CGNL1: variants seen among roughly 807,000 people sequenced by gnomAD.
CGNL1 encodes cingulin-like protein 1.
CGNL1 carries 132 observed loss-of-function variants against 141.2 expected under a neutral mutation model. The ratio of observed to expected loss-of-function variants is 0.93; its 90% CI spans 0.81 to 1.08. The LOEUF (loss-of-function observed/expected upper bound fraction) is 1.08, where lower values mean the gene tolerates loss of function less well. Ranked by LOEUF, CGNL1 falls within the 50% of genes least tolerant of loss-of-function variation. The pLI is 0.00. For synonymous variants in CGNL1, 690 were observed against 622.1 expected (o/e 1.11, Z -1.63); for missense variants, 1,870 against 1,588.6 (o/e 1.18, Z -3.01).
At chr15:57,434,410 G>C (rs1014332230) in intron 1 of CGNL1, among the ~76,000 whole-genome samples, 1 of 152,042 alleles carries the variant, frequency 6.6e-6, no homozygotes, top group Admixed American at 6.6e-5. Context: ...AGTAGATGCA[G>C]AAACCAAGAA....
chr15:57,460,214 G>A (rs1467310027), intron 7 of CGNL1, among the ~76,000 whole-genome samples: 1 of 152,118 alleles, frequency 6.6e-6, no homozygotes, highest in East Asian at 1.9e-4. Flanking sequence ...GGATGAAAGA[G>A]GGGTAAAGAA....
chr15:57,409,072 C>CACACACAT (rs1240697230), intron 1 of CGNL1, among the ~76,000 whole-genome samples: 2 of 150,606 alleles, frequency 1.3e-5, no homozygotes, highest in East Asian at 3.9e-4. Flanking sequence ...CACACACACA[C>CACACACAT]ATTGCCTTTT....
intron 8 of CGNL1, among the ~76,000 whole-genome samples, chr15:57,494,193 G>C (rs1354718731): frequency 6.6e-6 from 1 of 152,196 alleles, no homozygotes; most frequent in Admixed American, 6.5e-5. Context: ...ACATTTATAG[G>C]TTCAACTAGT....
intron 4 of CGNL1, among the ~76,000 whole-genome samples, chr15:57,448,229 G>T (rs2063280672): frequency 6.6e-6 from 1 of 152,180 alleles, no homozygotes; most frequent in Non-Finnish European, 1.5e-5. Context: ...AGGATCACTT[G>T]AGCTTAGAAG....
At chr15:57,470,927 A>C (rs1183267076) in intron 8 of CGNL1, among the ~76,000 whole-genome samples, 1 of 152,228 alleles carries the variant, frequency 6.6e-6, no homozygotes, top group African/African-American at 2.4e-5. Context: ...CCAAATACTT[A>C]AGAATTAGAA....
chr15:57,544,313 A>T (rs535329890), intron 15 of CGNL1, among the ~76,000 whole-genome samples, 160 bp from the exon 16 acceptor site: 1 of 152,262 alleles, frequency 6.6e-6, no homozygotes, highest in Admixed American at 6.5e-5. Flanking sequence ...CCTTGGAAAC[A>T]TCTCTGTGTT....
At chr15:57,490,773 A>G (rs2063849452) in intron 8 of CGNL1, among the ~76,000 whole-genome samples, 2 of 152,158 alleles carry the variant, frequency 1.3e-5, no homozygotes, top group Admixed American at 6.5e-5. Context: ...TGGACTGGGG[A>G]GTCAGTAGAG....
rs867553320 is a variant in CGNL1 at position 57,547,464 on chromosome 15, G to A, written c.3883G>A (p.Asp1295Asn). The A allele has an allele frequency of 1.2e-6, 2 of 1,614,128 alleles. No individual in the cohort carries two copies. Among genetic ancestry groups the A allele is most frequent in the Non-Finnish European group, 1.7e-6 (2 of 1,179,994 alleles). The change falls in exon 19 of 19, where the codon GAC becomes AAC. Residue 1295 changes from aspartate to asparagine, a missense_variant. Physicochemically the swap from Asp to Asn is conservative, Grantham distance 23. Transcript: ENST00000281282. ...GCCTGTGAGCTACACATTCTCCAAGGACAGCACCGTCGCCAGCCAGATCTG... is the reference window on the plus strand; with the variant it reads ...GCCTGTGAGCTACACATTCTCCAAGAACAGCACCGTCGCCAGCCAGATCTG... ...EAPVSYTFSK[D>N]STVASQI
chr15:57,495,150 C>T (rs2063919501), intron 8 of CGNL1, among the ~76,000 whole-genome samples: 1 of 152,136 alleles, frequency 6.6e-6, no homozygotes, highest in Admixed American at 6.5e-5. Context: ...CTTCCTGTAG[C>T]TTTTACAGGA....
At chr15:57,527,094 C>A (rs1309351839) in intron 12 of CGNL1, 3 of 152,070 alleles carry the variant, frequency 2.0e-5, no homozygotes, top group Non-Finnish European at 4.4e-5. Context: ...TATAGCACAT[C>A]CTCTGTATCC....
At chr15:57,454,319 A>G (rs1437459345) in intron 7 of CGNL1, among the ~76,000 whole-genome samples, 1 of 152,164 alleles carries the variant, frequency 6.6e-6, no homozygotes, top group Non-Finnish European at 1.5e-5. Context: ...AAAAAAATTA[A>G]AAGTCAAAAC....
At chr15:57,505,742 A>G (rs1373872683) in intron 8 of CGNL1, among the ~76,000 whole-genome samples, 1 of 152,076 alleles carries the variant, frequency 6.6e-6, no homozygotes, top group Non-Finnish European at 1.5e-5. Flanking sequence ...TGTGGGGCAA[A>G]CGGAAAAGTT....
chr15:57,401,326 C>T (rs542724191), intron 1 of CGNL1, among the ~76,000 whole-genome samples: 4 of 152,210 alleles, frequency 2.6e-5, no homozygotes, highest in African/African-American at 9.6e-5. Flanking sequence ...TAGGGTTGGA[C>T]GGTGTATACA....
chr15:57,536,649 T>A (rs1411675348), intron 14 of CGNL1, among the ~76,000 whole-genome samples: 1 of 152,210 alleles, frequency 6.6e-6, no homozygotes, highest in Non-Finnish European at 1.5e-5. Flanking sequence ...TCCAGAGTAA[T>A]CCTTTTTCCT....
chr15:57,507,750 T>C (rs1340142061), intron 8 of CGNL1, among the ~76,000 whole-genome samples: 1 of 152,184 alleles, frequency 6.6e-6, no homozygotes, highest in Non-Finnish European at 1.5e-5. Flanking sequence ...ATGGCAGCAT[T>C]TGAAAATAAA....
chr15:57,519,007 A>G (rs1203001754), intron 10 of CGNL1, among the ~76,000 whole-genome samples: 1 of 152,252 alleles, frequency 6.6e-6, no homozygotes, highest in East Asian at 1.9e-4. Flanking sequence ...TATAGAGTAC[A>G]TTCCTTCAGG....
At chr15:57,434,274 G>A (rs1210956340) in intron 1 of CGNL1, among the ~76,000 whole-genome samples, 2 of 152,006 alleles carry the variant, frequency 1.3e-5, no homozygotes, top group African/African-American at 4.8e-5. Flanking sequence ...ATTAAATACT[G>A]GAATTTAAAA....
chr15:57,482,218 T>G (rs2063734993), intron 8 of CGNL1, among the ~76,000 whole-genome samples: 1 of 152,150 alleles, frequency 6.6e-6, no homozygotes, highest in South Asian at 2.1e-4. Context: ...CAATCTCTAG[T>G]AAAACAAAAC....
At chr15:57,458,855 C>T (rs1395317982) in intron 7 of CGNL1, among the ~76,000 whole-genome samples, 1 of 152,194 alleles carries the variant, frequency 6.6e-6, no homozygotes, top group Non-Finnish European at 1.5e-5. Flanking sequence ...GGCCTCGTTA[C>T]CTGCATGGGT....
Sources: gnomAD v4.1 joint callset for allele counts (sites outside exome capture counted in the v4.1 genomes callset) on GRCh38, gnomAD v4.1.1 for gene constraint, MANE v1.5 for transcripts, NCBI Gene and HGNC (gene_info 2026-07-23, HGNC 2026-07-21) for gene names.